Variants in ANTXRL observed in about 807,000 individuals in gnomAD.
ANTXRL encodes ANTXR like.
ANTXRL carries 63 observed loss-of-function variants against 75.4 expected under a neutral mutation model. That is an observed-to-expected ratio of 0.84 (90% CI 0.68 to 1.03). The LOEUF (loss-of-function observed/expected upper bound fraction) is 1.03, where lower values mean the gene tolerates loss of function less well. ANTXRL is among the 50% of genes least tolerant of loss of function. The pLI is 0.00. For missense variants in ANTXRL, 797 were observed against 789.4 expected (o/e 1.01, Z -0.12); for synonymous variants, 335 against 291.3 (o/e 1.15, Z -1.53).
At chr10:46,287,748 C>T (rs1166825455) in intron 1 of ANTXRL, among the ~76,000 whole-genome samples, 3 of 152,124 alleles carry the variant, frequency 2.0e-5, no homozygotes, top group Admixed American at 6.5e-5. Flanking sequence ...GGGTTCTGGA[C>T]GATTCCCTAC....
chr10:46,300,130 G>A (rs1365081961), intron 9 of ANTXRL, among the ~76,000 whole-genome samples: 3 of 152,210 alleles, frequency 2.0e-5, no homozygotes, highest in Admixed American at 2.0e-4. Context: ...AGTCGAGGTG[G>A]CAGGTGCCCT....
At chr10:46,319,793 T>C (rs1838896369) in intron 16 of ANTXRL, among the ~76,000 whole-genome samples, 1 of 152,188 alleles carries the variant, frequency 6.6e-6, no homozygotes, top group Non-Finnish European at 1.5e-5. Flanking sequence ...AAACACATTA[T>C]GTGTTCCTTT....
chr10:46,319,575 T>C (rs1373844726), intron 16 of ANTXRL, among the ~76,000 whole-genome samples: 2 of 152,168 alleles, frequency 1.3e-5, no homozygotes, highest in African/African-American at 4.8e-5. Flanking sequence ...AGTGTTTAAG[T>C]TGATTAGTCA....
At chr10:46,307,600 G>C in intron 12 of ANTXRL, 120 bp downstream of exon 12, 1 of 959,548 alleles carries the variant, frequency 1.0e-6, no homozygotes, top group Non-Finnish European at 1.6e-6. Flanking sequence ...TGTGCAGCAG[G>C]CACCTGAGGC....
chr10:46,323,702 T>C (rs1839084418), intron 16 of ANTXRL, among the ~76,000 whole-genome samples: 2 of 152,152 alleles, frequency 1.3e-5, no homozygotes, highest in Admixed American at 1.3e-4. Context: ...CCCATGTTCT[T>C]GAGTAGGAAC....
chr10:46,324,707 A>T (rs1554966132), intron 16 of ANTXRL, among the ~76,000 whole-genome samples: 4 of 152,106 alleles, frequency 2.6e-5, no homozygotes, highest in African/African-American at 9.7e-5. Context: ...AGACCCATAA[A>T]TATTCAGGTG....
chr10:46,303,853 T>G (rs1837905404), intron 10 of ANTXRL, among the ~76,000 whole-genome samples: 1 of 152,062 alleles, frequency 6.6e-6, no homozygotes, highest in African/African-American at 2.4e-5. Context: ...GCAGTTGGAT[T>G]TTTGCATCCT....
At chr10:46,309,258 G>A in intron 13 of ANTXRL, 56 bp downstream of exon 13, 1 of 1,524,374 alleles carries the variant, frequency 6.6e-7, no homozygotes, top group Non-Finnish European at 8.7e-7. Context: ...CACCCTCTGA[G>A]GGACTCTAAC....
chr10:46,299,539 T>C (rs1837590332), intron 9 of ANTXRL, among the ~76,000 whole-genome samples: 1 of 152,012 alleles, frequency 6.6e-6, no homozygotes, highest in South Asian at 2.1e-4. Context: ...TGTCCTCCCT[T>C]CATCACGAGA....
intron 2 of ANTXRL, 62 bp downstream of exon 2, chr10:46,292,191 G>A: frequency 1.1e-5 from 16 of 1,478,654 alleles, no homozygotes; most frequent in Non-Finnish European, 1.5e-5. Flanking sequence ...TGGAAGGCAG[G>A]CAGAGGGCAC....
At chr10:46,295,391 G>T (rs1191875765) in intron 3 of ANTXRL, among the ~76,000 whole-genome samples, 1 of 151,928 alleles carries the variant, frequency 6.6e-6, no homozygotes, top group Non-Finnish European at 1.5e-5. Flanking sequence ...TTAGAGTTAG[G>T]AATGTCAACC....
At chr10:46,307,609 G>A (rs1290173686) in intron 12 of ANTXRL, 129 bp downstream of exon 12, 3 of 909,746 alleles carry the variant, frequency 3.3e-6, no homozygotes, top group African/African-American at 3.3e-5. Flanking sequence ...GGCACCTGAG[G>A]CTGCTCCAAC....
intron 16 of ANTXRL, among the ~76,000 whole-genome samples, chr10:46,327,707 G>A (rs1839292920): frequency 6.6e-6 from 1 of 152,090 alleles, no homozygotes; most frequent in African/African-American, 2.4e-5. Context: ...TGAATGACAG[G>A]TTCAAGCAAG....
Position 46,292,203 on chromosome 10 carries a change from T to A in ANTXRL, c.320+74T>A, listed in dbSNP as rs539933038. The A allele has an allele frequency of 1.4e-5, 19 of 1,399,704 alleles. No homozygotes were observed. In the Admixed American group the frequency reaches 2.8e-4, roughly 20 times the overall value. 86.7% of individuals were successfully genotyped at this position (1,399,704 alleles called of 1,614,324 possible). A position where few individuals can be genotyped will look rare whatever the true frequency, so the allele number is the denominator to read the frequency against. On this transcript the variant is annotated intron_variant, in intron 2 of 16. Coordinates refer to ENST00000620264, the MANE Select transcript of ANTXRL (RefSeq NM_001278688.3). ...TTCTGGAAGGCAGGCAGAGGGCACA[T>A]CCCATCAGATGGGGTGGGCGTGGGA... is the stretch of plus-strand genomic sequence containing the variant.
intron 3 of ANTXRL, among the ~76,000 whole-genome samples, chr10:46,295,275 G>A (rs1326089039): frequency 1.3e-5 from 2 of 152,166 alleles, no homozygotes; most frequent in Non-Finnish European, 2.9e-5. Context: ...CAGGGCTGGT[G>A]GCTTAGCAGG....
In ANTXRL at chr10:46,297,460, T is replaced by C; in HGVS notation, c.640T>C (p.Tyr214His). Reference protein sequence around the residue: ...ANVYTLGVADYNLDQITAIAD... With the variant: ...ANVYTLGVADHNLDQITAIAD... ...CGTTTACACCCTGGGTGTGGCTGATTATAATCTGGATCAGGTAATTCCAAG... is the reference window on the plus strand; with the variant it reads ...CGTTTACACCCTGGGTGTGGCTGATCATAATCTGGATCAGGTAATTCCAAG... Residue 214 changes from tyrosine to histidine, a missense_variant, in exon 7 of 17, where the codon TAT (tyrosine) becomes CAT (histidine). By Grantham distance (83) the Tyr-to-His change is moderately conservative. Coordinates refer to ENST00000620264, the MANE Select transcript of ANTXRL (RefSeq NM_001278688.3). 1 of 1,535,740 alleles carries C rather than the reference T, an allele frequency of 6.5e-7. No individual in the cohort carries two copies. The highest frequency in any genetic ancestry group is 8.7e-7 in the Non-Finnish European group (1 of 1,146,692).
chr10:46,297,599 C>A, intron 7 of ANTXRL, 125 bp downstream of exon 7: 1 of 999,618 alleles, frequency 1.0e-6, no homozygotes, highest in Non-Finnish European at 1.5e-6. Flanking sequence ...AACTCATGGC[C>A]ACTGCAGAAG....
chr10:46,309,076 A>G, intron 12 of ANTXRL, 37 bp from the exon 13 acceptor site: 1 of 1,535,390 alleles, frequency 6.5e-7, no homozygotes, highest in Admixed American at 2.0e-5. Context: ...GGAAGAGGCC[A>G]CCGAGGCCCT....
At position 46,316,166 on chromosome 10, in the gene ANTXRL, A is replaced by G. The variant is rs1416759128; in HGVS notation, c.1410+2850A>G. 3.3e-5 allele frequency among the ~76,000 whole-genome samples: 5 copies of G among 152,226 alleles called. No homozygotes were observed. In the South Asian group the frequency reaches 1.0e-3, roughly 32 times the overall value. ...GAAACCTTACTCTCTGTCACCAAAT[A>G]TAGTGCCCACAATGATATAACAGCC... On this transcript the variant is annotated intron_variant, in intron 16 of 16. Transcript: ENST00000620264.
Sources: allele counts gnomAD v4.1 joint callset (sites outside exome capture counted in the v4.1 genomes callset), GRCh38; gene constraint gnomAD v4.1.1; transcripts MANE v1.5; gene names NCBI Gene and HGNC (gene_info 2026-07-23, HGNC 2026-07-21).